IGFBP7: variants seen among roughly 807,000 people sequenced by gnomAD.
IGFBP7 encodes insulin like growth factor binding protein 7, also known as insulin-like growth factor-binding protein 7.
IGFBP7 carries 31 observed loss-of-function variants against 29.4 expected under a neutral mutation model. That is an observed-to-expected ratio of 1.05 (90% confidence interval 0.79 to 1.42). The LOEUF (loss-of-function observed/expected upper bound fraction) is 1.42, where lower values mean the gene tolerates loss of function less well. IGFBP7 is among the 40% of genes most tolerant of loss of function. The pLI is 0.00. For missense variants in IGFBP7, 393 were observed against 395.5 expected, an observed-to-expected ratio of 0.99 and a Z score of 0.05; for synonymous variants, 172 against 174.9, an observed-to-expected ratio of 0.98 and a Z score of 0.13.
rs778237836 is a variant in IGFBP7 at position 57,031,011 on chromosome 4, ATAAT to A, written c.*302_*305del. On this transcript the variant is annotated 3_prime_UTR_variant, in exon 5 of 5. Transcript: ENST00000295666. ...TAGCTATTTTACAGGAGTCAACAAG[ATAAT>A]TAAATATCTTGGTGTCTTGTTTCTA... 1 of 1,312,750 alleles carries A rather than the reference ATAAT, an allele frequency of 7.6e-7. No individual in the cohort carries two copies. The highest frequency in any genetic ancestry group is 2.3e-5 in the East Asian group (1 of 43,516). 81.3% of individuals were successfully genotyped at this position (1,312,750 alleles called of 1,614,324 possible).
intron 1 of IGFBP7, among the ~76,000 whole-genome samples, chr4:57,077,789 G>T (rs550883586): frequency 3.2e-4 from 48 of 152,138 alleles, no homozygotes; most frequent in African/African-American, 1.2e-3. Context: ...TCTGCATTCC[G>T]ATCCAGGTGA....
intron 1 of IGFBP7, among the ~76,000 whole-genome samples, chr4:57,067,425 C>G (rs939621945): frequency 6.6e-6 from 1 of 152,016 alleles, no homozygotes; most frequent in Non-Finnish European, 1.5e-5. Flanking sequence ...GGACATTATG[C>G]TAAAAGAAAG....
chr4:57,104,792 T>C (rs144390540), intron 1 of IGFBP7, among the ~76,000 whole-genome samples: 6 of 152,152 alleles, frequency 3.9e-5, no homozygotes, highest in South Asian at 2.1e-4. Flanking sequence ...GAGTTCAGGA[T>C]TGCTGATGAC....
At chr4:57,085,688 G>A (rs1578642774) in intron 1 of IGFBP7, among the ~76,000 whole-genome samples, 2 of 151,994 alleles carry the variant, frequency 1.3e-5, no homozygotes, top group South Asian at 4.2e-4. Flanking sequence ...TTCTAGTATG[G>A]GGTTTGGCCT....
At chr4:57,043,959 C>T (rs757840709) in intron 1 of IGFBP7, among the ~76,000 whole-genome samples, 9 of 152,318 alleles carry the variant, frequency 5.9e-5, no homozygotes, top group Non-Finnish European at 1.3e-4. Context: ...CTCTGATGGC[C>T]CTCATGCTGC....
At chr4:57,064,612 A>G (rs908555992) in intron 1 of IGFBP7, among the ~76,000 whole-genome samples, 2 of 152,216 alleles carry the variant, frequency 1.3e-5, no homozygotes, top group Admixed American at 1.3e-4. Context: ...GGGTGACAAG[A>G]GAAAGTATAG....
chr4:57,050,383 T>A (rs980456908), intron 1 of IGFBP7, among the ~76,000 whole-genome samples: 6 of 152,060 alleles, frequency 3.9e-5, no homozygotes, highest in African/African-American at 1.4e-4. Flanking sequence ...TAGCTGGGAT[T>A]ACAGGCAGCC....
At chr4:57,038,384 A>C (rs11573122) in intron 2 of IGFBP7, among the ~76,000 whole-genome samples, 1,617 of 152,304 alleles carry the variant, frequency 0.011, 36 homozygotes, top group African/African-American at 0.036. Flanking sequence ...TATTGAGAGC[A>C]AAGAGTCAAG....
At chr4:57,089,150 G>A (rs1725576502) in intron 1 of IGFBP7, among the ~76,000 whole-genome samples, 5 of 151,640 alleles carry the variant, frequency 3.3e-5, no homozygotes, top group Admixed American at 1.3e-4. Flanking sequence ...TCCATAACAT[G>A]TATGACTTAA....
intron 1 of IGFBP7, among the ~76,000 whole-genome samples, chr4:57,050,451 G>A (rs1007967824): frequency 1.1e-4 from 16 of 151,838 alleles, no homozygotes; most frequent in African/African-American, 3.1e-4. Context: ...CACCATGTTG[G>A]CCAGGCTGGT....
intron 1 of IGFBP7, among the ~76,000 whole-genome samples, chr4:57,053,286 G>T (rs894027488): frequency 6.6e-6 from 1 of 152,078 alleles, no homozygotes; most frequent in African/African-American, 2.4e-5. Context: ...CAGGGTGCTG[G>T]GATTATAGGC....
At chr4:57,102,490 T>C (rs1350012451) in intron 1 of IGFBP7, among the ~76,000 whole-genome samples, 1 of 152,132 alleles carries the variant, frequency 6.6e-6, no homozygotes, top group Admixed American at 6.5e-5. Context: ...TCCTATTCAA[T>C]AGTTTTTACT....
chr4:57,089,579 G>T (rs2067625), intron 1 of IGFBP7, among the ~76,000 whole-genome samples: 1 of 152,100 alleles, frequency 6.6e-6, no homozygotes, highest in Non-Finnish European at 1.5e-5. Flanking sequence ...GGGGTCTGTG[G>T]TCTCTAAAAC....
chr4:57,041,008 T>C, intron 1 of IGFBP7, 75 bp from the exon 2 acceptor site: 2 of 995,384 alleles, frequency 2.0e-6, no homozygotes, highest in Non-Finnish European at 3.2e-6. Flanking sequence ...AGGGAGAAAA[T>C]AATAATTTTG....
intron 1 of IGFBP7, among the ~76,000 whole-genome samples, chr4:57,044,973 G>A (rs1048757211): frequency 3.9e-5 from 6 of 152,132 alleles, no homozygotes; most frequent in African/African-American, 1.4e-4. Context: ...GCCTCCCAAA[G>A]TACTGGGATT....
At chr4:57,058,505 C>G (rs1437103105) in intron 1 of IGFBP7, among the ~76,000 whole-genome samples, 2 of 152,140 alleles carry the variant, frequency 1.3e-5, no homozygotes, top group African/African-American at 4.8e-5. Context: ...GGAAAAGACT[C>G]CCTATTCAAT....
intron 2 of IGFBP7, among the ~76,000 whole-genome samples, chr4:57,039,886 A>G (rs1220304915): frequency 6.6e-6 from 1 of 152,070 alleles, no homozygotes; most frequent in East Asian, 1.9e-4. Context: ...TCAGCCTCCC[A>G]AAGTGCTGGG....
At chr4:57,071,216 A>G (rs1432549884) in intron 1 of IGFBP7, among the ~76,000 whole-genome samples, 1 of 152,178 alleles carries the variant, frequency 6.6e-6, no homozygotes, top group Non-Finnish European at 1.5e-5. Flanking sequence ...GGGGGGAATG[A>G]AATACTTGGT....
In IGFBP7 at chr4:57,076,505, C is replaced by G. The variant is rs1725230136; in HGVS notation, c.475+33372G>C. Among the ~76,000 whole-genome samples the G allele has an allele frequency of 2.0e-5, 3 of 152,214 alleles. No individual in the cohort carries two copies. The South Asian group carries it at 6.2e-4, about 32-fold the overall frequency. ...TCAGTGAAGCCAGAAAGCTAAGAAG[C>G]CAGCCATTTTGGTCACCTTCGTGTA... On this transcript the variant is annotated intron_variant, in intron 1 of 4. Coordinates refer to ENST00000295666, the MANE Select transcript of IGFBP7 (RefSeq NM_001553.3).
Sources: allele counts gnomAD v4.1 joint callset (sites outside exome capture counted in the v4.1 genomes callset), GRCh38; gene constraint gnomAD v4.1.1; transcripts MANE v1.5; gene names NCBI Gene and HGNC (gene_info 2026-07-23, HGNC 2026-07-21).